The following CILP variants were observed in gnomAD, a reference collection of about 807,000 sequenced individuals.
CILP encodes cartilage intermediate layer protein.
Under a neutral mutation model 82.5 loss-of-function variants are expected in CILP, and 75 were observed. The ratio of observed to expected loss-of-function variants is 0.91; its 90% CI spans 0.75 to 1.10. The LOEUF (loss-of-function observed/expected upper bound fraction) is 1.10. Among genes scored for constraint, CILP ranks in the 50% least tolerant of loss-of-function variants. The pLI is 0.00. For missense variants in CILP, 1,479 were observed against 1,530.8 expected (o/e 0.97, Z 0.56); for synonymous variants, 530 against 580.3 (o/e 0.91, Z 1.25).
Position 65,198,965 on chromosome 15 carries a change from G to C in CILP, c.1321C>G (p.Gln441Glu), listed in dbSNP as rs1269588045. 12 of 1,613,654 alleles carry C rather than the reference G, an allele frequency of 7.4e-6. No homozygotes were observed. Among genetic ancestry groups the C allele is most frequent in the Non-Finnish European group, 1.0e-5 (12 of 1,180,026 alleles). Residue 441 changes from glutamine (Q) to glutamate (E), a missense_variant, in exon 9 of 9, where the codon CAG (glutamine) becomes GAG (glutamate). By Grantham distance (29) the Gln-to-Glu change is conservative. Coordinates refer to ENST00000261883, the MANE Select transcript of CILP (RefSeq NM_003613.4). ...RCPVKTCAGQ[Q>E]DNGIRCRDAV... ...TCACGGCACCTGATCCCATTATCCTGCTGCCCTGCACAAGTCTTAACAGGG... is the reference window on the plus strand; with the variant it reads ...TCACGGCACCTGATCCCATTATCCTCCTGCCCTGCACAAGTCTTAACAGGG...
intron 3 of CILP, 104 bp downstream of exon 3, chr15:65,207,568 G>C: frequency 1.1e-6 from 1 of 951,006 alleles, no homozygotes; most frequent in Non-Finnish European, 1.7e-6. Flanking sequence ...TGTAAAAGTG[G>C]GTTTCCATGG....
In CILP at chr15:65,209,012, C is replaced by CTTTTTTT. The variant is rs556369891; in HGVS notation, c.61+676_61+682dup. Reference sequence around the variant, plus strand: ...TACAGCTTTAAAGGAGGGTTTTGAGCTTTTTTTTTTTTTTTTTTTTTTTTG... The same window carrying CTTTTTTT: ...TACAGCTTTAAAGGAGGGTTTTGAGCTTTTTTTTTTTTTTTTTTTTTTTTTTTTTTTG... On this transcript the variant is annotated intron_variant, in intron 2 of 8. Transcript: ENST00000261883. Among the ~76,000 whole-genome samples, 492 of 69,974 alleles carry CTTTTTTT rather than the reference C, an allele frequency of 7.0e-3. 2 individuals carry two copies. Among genetic ancestry groups the CTTTTTTT allele is most frequent in the East Asian group, 0.018 (30 of 1,702 alleles). The allele number at this position is 69,974 out of a possible 152,430, so 45.9% of individuals were successfully genotyped here. A position where few individuals can be genotyped will look rare whatever the true frequency, so the allele number is the denominator to read the frequency against.
rs925006508 is a variant in CILP at position 65,206,920 on chromosome 15, T to C, written c.286A>G (p.Thr96Ala). The change falls in exon 4 of 9, where the codon ACC becomes GCC. Residue 96 changes from threonine to alanine, a missense_variant. By Grantham distance (58) the Thr-to-Ala change is moderately conservative. Transcript: ENST00000261883. ...CTGCCCGCAGGTGTCCAGTCAGTGG[T>C]CCGAGCCTCTAGCCGCAGGGGACGG... ...CARPLRLEAR[T>A]TDWTPAGSTG... The C allele has an allele frequency of 5.6e-6, 9 of 1,613,572 alleles. No homozygotes were observed. The highest frequency in any genetic ancestry group is 6.8e-6 in the Non-Finnish European group (8 of 1,179,992).
At chr15:65,204,146 G>A in intron 6 of CILP, 122 bp downstream of exon 6, 2 of 807,168 alleles carry the variant, frequency 2.5e-6, no homozygotes, top group Admixed American at 2.8e-5. Context: ...GTGCCATGTG[G>A]GCCATGGTAA....
rs372872912 is a variant in CILP, at chr15:65,196,784, C to T, written c.3502G>A (p.Val1168Met). Residue 1168 changes from valine (V) to methionine (M), a missense_variant, in exon 9 of 9, where the codon GTG becomes ATG. By Grantham distance (21) the Val-to-Met change is conservative (BLOSUM62 1). Coordinates refer to ENST00000261883, the MANE Select transcript of CILP (RefSeq NM_003613.4). Reference sequence around the variant, plus strand: ...CTAGGAAATCTCAGAGAGGCCACCACTCCACCCTGGCGCTGGCCACCCCTG... The same window carrying T: ...CTAGGAAATCTCAGAGAGGCCACCATTCCACCCTGGCGCTGGCCACCCCTG... ...ASRGGQRQGGVVASLRFPRVA... is the reference protein window; with the variant it reads ...ASRGGQRQGGMVASLRFPRVA... 7.5e-6 allele frequency: 12 copies of T among 1,590,400 alleles called. No individual in the cohort carries two copies. Among genetic ancestry groups the T allele is most frequent in the Non-Finnish European group, 1.0e-5 (12 of 1,166,570 alleles).
chr15:65,207,773 CAGA>C lies in CILP; in HGVS notation c.62-12_62-10del. ...GAGCATCGTCTGTCTCCCTGAGGGC[CAGA>C]AGGAGAAGCTAAGTGAGAGGCCAGG... On this transcript the variant is annotated splice_polypyrimidine_tract_variant and intron_variant, in intron 2 of 8. Coordinates refer to ENST00000261883, the MANE Select transcript of CILP (RefSeq NM_003613.4). 6.2e-7 allele frequency: 1 copy of C among 1,613,132 alleles called. No homozygotes were observed. The highest frequency in any genetic ancestry group is 8.5e-7 in the Non-Finnish European group (1 of 1,179,126).
At chr15:65,202,723 TG>T (rs1274116085) in intron 7 of CILP, among the ~76,000 whole-genome samples, 5 of 151,912 alleles carry the variant, frequency 3.3e-5, no homozygotes, top group Non-Finnish European at 7.4e-5. Flanking sequence ...ACACCATGCC[TG>T]GCCCCTTGTT....
intron 2 of CILP, among the ~76,000 whole-genome samples, chr15:65,208,713 A>T (rs1459592579): frequency 6.6e-6 from 1 of 152,222 alleles, no homozygotes; most frequent in African/African-American, 2.4e-5. Flanking sequence ...TGGGAAGGAG[A>T]ATGCGGAGCA....
chr15:65,206,450 A>G (rs1267132797), intron 4 of CILP, among the ~76,000 whole-genome samples: 1 of 152,188 alleles, frequency 6.6e-6, no homozygotes, highest in Non-Finnish European at 1.5e-5. Context: ...GGGACACATC[A>G]TATTGCGGGC....
intron 8 of CILP, among the ~76,000 whole-genome samples, chr15:65,199,698 C>T (rs974650011): frequency 6.6e-6 from 1 of 152,178 alleles, no homozygotes; most frequent in African/African-American, 2.4e-5. Flanking sequence ...TGGCACACGC[C>T]TGTAGTCCCA....
chr15:65,202,897 G>A (rs2088476022), intron 7 of CILP, among the ~76,000 whole-genome samples: 1 of 144,784 alleles, frequency 6.9e-6, no homozygotes, highest in African/African-American at 2.6e-5. Context: ...GTGCAGTGGT[G>A]TGATCACAGC....
At chr15:65,203,678 C>T (rs1255908484) in intron 6 of CILP, among the ~76,000 whole-genome samples, 3 of 152,214 alleles carry the variant, frequency 2.0e-5, no homozygotes, top group African/African-American at 7.2e-5. Context: ...TCTCCCATGG[C>T]CTGTCAAGCA....
Position 65,198,368 on chromosome 15 carries a change from T to C in CILP, c.1918A>G (p.Thr640Ala), listed in dbSNP as rs899871724. 1.9e-6 allele frequency: 3 copies of C among 1,614,156 alleles called. No individual in the cohort carries two copies. The highest frequency in any genetic ancestry group is 1.7e-6 in the Non-Finnish European group (2 of 1,180,018). Reference protein sequence around the residue: ...RNISTATAAQTDLNFINDEGD... With the variant: ...RNISTATAAQADLNFINDEGD... ...TCGTCATTGATGAAGTTCAGGTCAG[T>C]CTGGGCAGCTGTGGCTGTGGAAATA... The change falls in exon 9 of 9, where the codon ACT becomes GCT. Residue 640 changes from threonine (T) to alanine (A), a missense_variant. By Grantham distance (58) the Thr-to-Ala change is moderately conservative. Coordinates refer to ENST00000261883, the MANE Select transcript of CILP (RefSeq NM_003613.4).
In CILP at chr15:65,204,269, T is replaced by C; in HGVS notation, c.918A>G (p.Ala306=). 6.2e-7 allele frequency: 1 copy of C among 1,613,152 alleles called. No individual in the cohort carries two copies. Among genetic ancestry groups the C allele is most frequent in the Non-Finnish European group, 8.5e-7 (1 of 1,179,746 alleles). The change falls in exon 6 of 9, where the codon GCA becomes GCG. Residue 306 remains alanine (A), a splice_region_variant and synonymous_variant. Coordinates refer to ENST00000261883, the MANE Select transcript of CILP (RefSeq NM_003613.4). ...CCCTACCCCAAAGAATTTAGTTACC[T>C]GCCCTCACAAACTCTGCCTTGATGG... The part of the protein sequence containing the change: ...AATIKAEFVR[A]ETPYMVMNPE...
chr15:65,201,541 C>T (rs145769526), intron 8 of CILP, among the ~76,000 whole-genome samples: 1 of 151,812 alleles, frequency 6.6e-6, no homozygotes, highest in East Asian at 2.0e-4. Context: ...CCAGCCTGGC[C>T]AACATGGCGA....
intron 7 of CILP, 135 bp from the exon 8 acceptor site, chr15:65,202,164 G>A: frequency 2.8e-6 from 2 of 702,094 alleles, no homozygotes; most frequent in Non-Finnish European, 4.4e-6. Flanking sequence ...CTTTGACTTG[G>A]CTCATCCAAG....
chr15:65,198,521 G>A lies in CILP; in HGVS notation c.1765C>T (p.Leu589=), dbSNP rs376138832. The part of the protein sequence containing the change: ...LEAMETNIIP[L]GEVVGEDPMA... ...GGGTCTTCACCAACCACTTCCCCCA[G>A]GGGGATGATGTTGGTCTCCATGGCT... The change falls in exon 9 of 9, where the codon CTG becomes TTG. Residue 589 remains leucine (L), a synonymous_variant. Transcript: ENST00000261883. 6.2e-7 allele frequency: 1 copy of A among 1,614,256 alleles called. No homozygotes were observed. The highest frequency in any genetic ancestry group is 8.5e-7 in the Non-Finnish European group (1 of 1,180,052).
At chr15:65,206,209 T>C (rs182693856) in intron 4 of CILP, among the ~76,000 whole-genome samples, 1 of 152,320 alleles carries the variant, frequency 6.6e-6, no homozygotes, top group East Asian at 1.9e-4. Flanking sequence ...CTTGTCAAGA[T>C]GGAGATCTCT....
In CILP at chr15:65,207,766, T is replaced by G. The variant is rs781284394; in HGVS notation, c.62-2A>C. On this transcript the variant is annotated splice_acceptor_variant, in intron 2 of 8. Transcript: ENST00000261883. LOFTEE classifies it high-confidence loss of function. ...ACTGGGTGAGCATCGTCTGTCTCCC[T>G]GAGGGCCAGAAGGAGAAGCTAAGTG... 1.4e-5 allele frequency: 22 copies of G among 1,613,446 alleles called. No individual in the cohort carries two copies. The highest frequency in any genetic ancestry group is 1.8e-5 in the Non-Finnish European group (21 of 1,179,520).
Sources: allele counts gnomAD v4.1 joint callset (sites outside exome capture counted in the v4.1 genomes callset), GRCh38; gene constraint gnomAD v4.1.1; transcripts MANE v1.5; gene names NCBI Gene and HGNC (gene_info 2026-07-23, HGNC 2026-07-21).